FAM168B: variants seen among roughly 807,000 people sequenced by gnomAD.
FAM168B encodes the protein family with sequence similarity 168 member B, also known as myelin-associated neurite-outgrowth inhibitor.
FAM168B carries 19 observed loss-of-function variants against 21.8 expected under a neutral mutation model. The observed-to-expected ratio is 0.87, with a 90% CI of 0.61 to 1.28. The LOEUF (loss-of-function observed/expected upper bound fraction) is 1.28, where lower values mean the gene tolerates loss of function less well. FAM168B is among the 50% of genes most tolerant of loss of function. The pLI is 0.00. For missense variants in FAM168B, 233 were observed against 263.1 expected (o/e 0.89, Z 0.79); for synonymous variants, 126 against 104.8 (o/e 1.20, Z -1.24).
Position 131,055,397 on chromosome 2 carries a change from T to C in FAM168B, c.350A>G (p.His117Arg). The change falls in exon 5 of 7, where the codon CAC becomes CGC. Residue 117 changes from histidine (H) to arginine (R), a missense_variant. His to Arg is a conservative substitution (Grantham distance 29). Transcript: ENST00000389915. ...PLYAAPPHVI[H>R]HTTVVQPNGM... is the part of the protein sequence containing the mutation. ...GTTGGGCTGCACCACCGTGGTGTGG[T>C]GGATGACGTGAGGAGGTGCTGCATA... 6.2e-7 allele frequency: 1 copy of C among 1,606,978 alleles called. No individual in the cohort carries two copies. Among genetic ancestry groups the C allele is most frequent in the Non-Finnish European group, 8.5e-7 (1 of 1,177,696 alleles).
chr2:131,067,347 G>A (rs997058917), intron 3 of FAM168B, among the ~76,000 whole-genome samples: 2 of 152,138 alleles, frequency 1.3e-5, no homozygotes, highest in African/African-American at 2.4e-5. Context: ...TAAGAAATAC[G>A]TGGCATTTGG....
At chr2:131,077,170 A>G (rs1011479359) in intron 2 of FAM168B, among the ~76,000 whole-genome samples, 3 of 150,652 alleles carry the variant, frequency 2.0e-5, no homozygotes, top group African/African-American at 7.3e-5. Flanking sequence ...TCAATCAACT[A>G]TGGAAGCCCA....
intron 1 of FAM168B, among the ~76,000 whole-genome samples, chr2:131,090,700 C>T (rs560712691): frequency 6.6e-6 from 1 of 152,194 alleles, no homozygotes; most frequent in East Asian, 1.9e-4. Context: ...ACTCCCATCT[C>T]TACAAAATGA....
chr2:131,071,802 T>G, intron 3 of FAM168B, 53 bp downstream of exon 3: 2 of 1,529,418 alleles, frequency 1.3e-6, no homozygotes, highest in South Asian at 2.2e-5. Context: ...ATCCACCCCT[T>G]CACCTTTCTC....
At position 131,050,480 on chromosome 2, in the gene FAM168B, T is replaced by C. The variant is rs1573736951; in HGVS notation, c.*1985A>G. Reference sequence around the variant, plus strand: ...AAGAAAGGGGCACAAACTGTGTGCCTGCGGTAAATGTCTGCCCCCACACAT... The same window carrying C: ...AAGAAAGGGGCACAAACTGTGTGCCCGCGGTAAATGTCTGCCCCCACACAT... On this transcript the variant is annotated 3_prime_UTR_variant, in exon 7 of 7. Transcript: ENST00000389915. 1.0e-5 allele frequency: 10 copies of C among 985,870 alleles called. No homozygotes were observed. The highest frequency in any genetic ancestry group is 1.1e-5 in the Non-Finnish European group (9 of 829,950). The allele number at this position is 985,870 out of a possible 1,614,324, so 61.1% of individuals were successfully genotyped here.
chr2:131,089,269 C>T (rs1320825326), intron 1 of FAM168B, among the ~76,000 whole-genome samples: 1 of 151,510 alleles, frequency 6.6e-6, no homozygotes, highest in Admixed American at 6.6e-5. Context: ...CCGGGCCGAG[C>T]TTACCACATT....
At chr2:131,091,128 G>C (rs945878226) in intron 1 of FAM168B, among the ~76,000 whole-genome samples, 4 of 152,302 alleles carry the variant, frequency 2.6e-5, no homozygotes, top group Middle Eastern at 6.8e-3. Context: ...GAGGTCAAGA[G>C]TTCGAGACCA....
intron 2 of FAM168B, among the ~76,000 whole-genome samples, chr2:131,073,451 T>C (rs560038219): frequency 6.6e-6 from 1 of 152,302 alleles, no homozygotes; most frequent in Non-Finnish European, 1.5e-5. Context: ...TGTTTTCATA[T>C]GTCCTCTCCA....
chr2:131,055,357 C>T lies in FAM168B; in HGVS notation c.390G>A (p.Thr130=), dbSNP rs373755562. 34 of 1,596,710 alleles carry T rather than the reference C, an allele frequency of 2.1e-5. No individual in the cohort carries two copies. Among genetic ancestry groups the T allele is most frequent in the South Asian group, 3.4e-5 (3 of 88,520 alleles). The change falls in exon 5 of 7, where the codon ACG becomes ACA. Residue 130 remains threonine, a synonymous_variant. Transcript: ENST00000389915. ...TVVQPNGMPA[T]VYPAPIPPPR... ...GAGGGGGGATGGGAGCAGGGTACAC[C>T]GTTGCAGGCATGCCGTTGGGCTGCA... is the stretch of plus-strand genomic sequence containing the variant.
chr2:131,061,655 G>A (rs907702418), intron 3 of FAM168B, among the ~76,000 whole-genome samples: 11 of 152,046 alleles, frequency 7.2e-5, no homozygotes, highest in African/African-American at 2.7e-4. Context: ...GTGGCCACAC[G>A]ACTGTAGTCC....
intron 1 of FAM168B, among the ~76,000 whole-genome samples, chr2:131,092,109 A>ACTC (rs999547345): frequency 1.3e-5 from 2 of 151,184 alleles, no homozygotes; most frequent in African/African-American, 4.9e-5. Context: ...GCGCCACTGC[A>ACTC]CTCCAGTCTG....
At position 131,071,864 on chromosome 2, in the gene FAM168B, A is replaced by G. The variant is rs1366067647; in HGVS notation, c.145T>C (p.Phe49Leu). The G allele has an allele frequency of 6.2e-7, 1 of 1,613,892 alleles. No homozygotes were observed. The highest frequency in any genetic ancestry group is 8.5e-7 in the Non-Finnish European group (1 of 1,179,912). Reference sequence around the variant, plus strand: ...ACCACCCAGCACATACCTGTTTGGAAGGTAGGATTCGCTCCAGGATACATG... The same window carrying G: ...ACCACCCAGCACATACCTGTTTGGAGGGTAGGATTCGCTCCAGGATACATG... ...PNMYPGANPT[F>L]QTGYTPGTPY... The change falls in exon 3 of 7, where the codon TTC becomes CTC. Residue 49 changes from phenylalanine to leucine, a missense_variant. Phe to Leu is a conservative substitution (Grantham distance 22). Transcript: ENST00000389915.
Position 131,052,347 on chromosome 2 carries a change from C to G in FAM168B, c.*118G>C, listed in dbSNP as rs1269401532. On this transcript the variant is annotated 3_prime_UTR_variant, in exon 7 of 7. Transcript: ENST00000389915. ...TGGGCCGGGATATAGTCGTGTTTAG[C>G]TAAGTGTCGAGAGCATTAAGAAGAA... The G allele has an allele frequency of 3.0e-6, 3 of 986,084 alleles. No individual in the cohort carries two copies. The East Asian group carries it at 3.4e-4, about 112-fold the overall frequency. 61.1% of individuals were successfully genotyped at this position (986,084 alleles called of 1,614,324 possible).
intron 2 of FAM168B, among the ~76,000 whole-genome samples, chr2:131,078,242 A>T (rs1210446171): frequency 2.0e-5 from 3 of 152,244 alleles, no homozygotes; most frequent in Non-Finnish European, 4.4e-5. Flanking sequence ...AACAGTTTTT[A>T]AAATAACTCA....
rs144486831 is a variant in FAM168B, at chr2:131,052,152, T to G, written c.*313A>C. 2.0e-6 allele frequency: 2 copies of G among 985,808 alleles called. No homozygotes were observed. The highest frequency in any genetic ancestry group is 1.1e-4 in the East Asian group (1 of 8,818). The allele number at this position is 985,808 out of a possible 1,614,324, so 61.1% of individuals were successfully genotyped here. ...ACTGCAGGTAGATTGAGCAAGCTTT[T>G]TGTGTTTGTTTTTTTAAACATGCAT... On this transcript the variant is annotated 3_prime_UTR_variant, in exon 7 of 7. Transcript: ENST00000389915.
chr2:131,058,471 A>G (rs1158309778), intron 3 of FAM168B, among the ~76,000 whole-genome samples: 2 of 152,206 alleles, frequency 1.3e-5, no homozygotes, highest in Non-Finnish European at 2.9e-5. Flanking sequence ...ATTTGTCTGC[A>G]TCCAGAGTCC....
At position 131,079,507 on chromosome 2, in the gene FAM168B, G is replaced by A. The variant is rs917168431; in HGVS notation, c.70+3070C>T. ...AACACACAAAAGACACACAGGAGAG[G>A]ATGTGACCATGGAGGCAGAAATGGG... is the stretch of plus-strand genomic sequence containing the variant. On this transcript the variant is annotated intron_variant, in intron 2 of 6. Transcript: ENST00000389915. Among the ~76,000 whole-genome samples, 7 of 152,262 alleles carry A rather than the reference G, an allele frequency of 4.6e-5. No individual in the cohort carries two copies. The South Asian group carries it at 8.3e-4, about 18-fold the overall frequency.
intron 3 of FAM168B, among the ~76,000 whole-genome samples, chr2:131,062,803 G>T (rs927419012): frequency 6.6e-6 from 1 of 152,230 alleles, no homozygotes; most frequent in Non-Finnish European, 1.5e-5. Flanking sequence ...GAAGCAAAAG[G>T]AGCGACTGCT....
At chr2:131,084,920 A>T (rs1693607458) in intron 1 of FAM168B, among the ~76,000 whole-genome samples, 1 of 151,950 alleles carries the variant, frequency 6.6e-6, no homozygotes. Flanking sequence ...TCACTACGTC[A>T]CTCAGTTTGG....
Sources: gnomAD v4.1 joint callset for allele counts (sites outside exome capture counted in the v4.1 genomes callset) on GRCh38, gnomAD v4.1.1 for gene constraint, MANE v1.5 for transcripts, NCBI Gene and HGNC (gene_info 2026-07-23, HGNC 2026-07-21) for gene names.